LANCL1: variants seen among roughly 807,000 people sequenced by gnomAD.
LANCL1 encodes LanC like glutathione S-transferase 1, also known as glutathione S-transferase LANCL1.
A neutral mutation model predicts 50.6 loss-of-function variants in LANCL1; 50 were observed. That is an observed-to-expected ratio of 0.99 (90% CI 0.79 to 1.25). LANCL1 has a LOEUF of 1.25. Ranked by LOEUF, LANCL1 falls within the 50% of genes most tolerant of loss-of-function variation. The pLI, the probability that LANCL1 is intolerant of heterozygous loss-of-function variation, is 0.00. For synonymous variants in LANCL1, 188 were observed against 178.6 expected (o/e 1.05, Z -0.42); for missense variants, 532 against 480.7 (o/e 1.11, Z -1.00).
intron 4 of LANCL1, among the ~76,000 whole-genome samples, chr2:210,452,391 A>G (rs895766791): frequency 8.5e-5 from 13 of 152,158 alleles, no homozygotes; most frequent in African/African-American, 3.1e-4. Context: ...CAGGCAACAC[A>G]CTTTATTCAT....
chr2:210,439,466 G>T (rs1047364025), intron 6 of LANCL1, among the ~76,000 whole-genome samples: 3 of 152,096 alleles, frequency 2.0e-5, no homozygotes, highest in South Asian at 2.1e-4. Flanking sequence ...AACTAACCTT[G>T]AAACTTCAGA....
At chr2:210,469,636 C>T (rs1396975954) in intron 3 of LANCL1, among the ~76,000 whole-genome samples, 1 of 152,120 alleles carries the variant, frequency 6.6e-6, no homozygotes, top group African/African-American at 2.4e-5. Context: ...ATCATAGATA[C>T]TTGAGGATAA....
At chr2:210,448,096 T>C (rs553398170) in intron 4 of LANCL1, among the ~76,000 whole-genome samples, 2 of 152,184 alleles carry the variant, frequency 1.3e-5, no homozygotes, top group Non-Finnish European at 2.9e-5. Context: ...CTTGACCTCA[T>C]AATTGGAAGT....
Position 210,440,740 on chromosome 2 carries a change from CA to C in LANCL1, c.547del (p.Cys183ValfsTer5), listed in dbSNP as rs770467794. On this transcript the variant is annotated frameshift_variant, in exon 6 of 10. Transcript: ENST00000450366. LOFTEE classifies it high-confidence loss of function. The stretch of plus-strand genomic sequence containing the variant: ...TTCTCCAGAGGTTAAAATTGTTTCA[CA>C]AATCTACAGGGAGAAAACCAACCAA... ...KIPQSHIQQI[C>X]ETILTSGENL... 2 of 1,612,570 alleles carry C rather than the reference CA, an allele frequency of 1.2e-6. No individual in the cohort carries two copies. Among genetic ancestry groups the C allele is most frequent in the African/African-American group, 1.3e-5 (1 of 74,836 alleles).
In LANCL1 at chr2:210,433,213, C is replaced by G. The variant is rs576823157; in HGVS notation, c.*1274G>C. The G allele has an allele frequency of 1.2e-4, 18 of 152,656 alleles. No individual in the cohort carries two copies. In the South Asian group the frequency reaches 3.7e-3, roughly 32 times the overall value. 9.5% of individuals were successfully genotyped at this position (152,656 alleles called of 1,614,324 possible). Reference sequence around the variant, plus strand: ...AAGGCAGTAATAGAAAGAGTAGAAGCTGATGAGTCAAAACACTTGAACAGA... The same window carrying G: ...AAGGCAGTAATAGAAAGAGTAGAAGGTGATGAGTCAAAACACTTGAACAGA... On this transcript the variant is annotated 3_prime_UTR_variant, in exon 10 of 10. Coordinates refer to ENST00000450366, the MANE Select transcript of LANCL1 (RefSeq NM_006055.3).
chr2:210,475,581 C>T (rs768668243), intron 2 of LANCL1, among the ~76,000 whole-genome samples: 14 of 152,150 alleles, frequency 9.2e-5, no homozygotes, highest in Non-Finnish European at 4.4e-5. Context: ...AATCCTCCTG[C>T]CTTGATTTCC....
intron 3 of LANCL1, among the ~76,000 whole-genome samples, chr2:210,469,591 G>A (rs1044643163): frequency 6.6e-6 from 1 of 152,100 alleles, no homozygotes; most frequent in African/African-American, 2.4e-5. Context: ...TCAGATGCTT[G>A]CCATATAAGC....
At chr2:210,447,681 C>G (rs1693384840) in intron 4 of LANCL1, among the ~76,000 whole-genome samples, 1 of 150,404 alleles carries the variant, frequency 6.6e-6, no homozygotes. Flanking sequence ...AAATGGAAAG[C>G]AAAAAAAAGG....
chr2:210,439,074 G>C (rs978215930), intron 6 of LANCL1, among the ~76,000 whole-genome samples: 1 of 152,158 alleles, frequency 6.6e-6, no homozygotes, highest in African/African-American at 2.4e-5. Context: ...ACAAAGAATA[G>C]CATTTAAGCT....
At chr2:210,468,448 C>CAGCAAAGACTACTAGGTCTT (rs1259091601) in intron 3 of LANCL1, 2 of 152,132 alleles carry the variant, frequency 1.3e-5, no homozygotes, top group African/African-American at 2.4e-5. Context: ...ATAGAAGTTA[C>CAGCAAAGACTACTAGGTCTT]AGCAAAGACT....
intron 2 of LANCL1, among the ~76,000 whole-genome samples, chr2:210,473,206 T>C (rs1227785486): frequency 6.6e-6 from 1 of 152,156 alleles, no homozygotes; most frequent in Admixed American, 6.5e-5. Context: ...AGAAACCCCA[T>C]CTCTACTAAA....
rs2105890364 is a variant in LANCL1, at chr2:210,440,687, C to T, written c.601G>A (p.Ala201Thr). The stretch of plus-strand genomic sequence containing the variant: ...CATTCATACATCAGTGGAGACTTTG[C>T]CGTGAAGTTTCTCTTCCTAGCTAGG... ...ENLARKRNFT[A>T]KSPLMYEWYQ... The change falls in exon 6 of 10, where the codon GCA becomes ACA. Residue 201 changes from alanine to threonine, a missense_variant. Ala to Thr is a moderately conservative substitution (Grantham distance 58). Transcript: ENST00000450366. 6.2e-7 allele frequency: 1 copy of T among 1,614,004 alleles called. No individual in the cohort carries two copies. Among genetic ancestry groups the T allele is most frequent in the Non-Finnish European group, 8.5e-7 (1 of 1,179,922 alleles).
rs969583416 is a variant in LANCL1, at chr2:210,433,313, A to C, written c.*1174T>G. On this transcript the variant is annotated 3_prime_UTR_variant, in exon 10 of 10. Coordinates refer to ENST00000450366, the MANE Select transcript of LANCL1 (RefSeq NM_006055.3). ...GGTCTCAGAAACTGATGAATTGTTA[A>C]GTCTAGGATACGCAAAGATGCATTT... The C allele has an allele frequency of 2.6e-5, 4 of 152,240 alleles. No individual in the cohort carries two copies. Among genetic ancestry groups the C allele is most frequent in the East Asian group, 1.9e-4 (1 of 5,196 alleles). 9.4% of individuals were successfully genotyped at this position (152,240 alleles called of 1,614,324 possible).
intron 7 of LANCL1, among the ~76,000 whole-genome samples, chr2:210,437,259 G>A (rs1692964814): frequency 6.6e-6 from 1 of 152,116 alleles, no homozygotes; most frequent in South Asian, 2.1e-4. Context: ...GTATCAGAAA[G>A]TCATTCTTTT....
chr2:210,432,421 G>C lies in LANCL1; in HGVS notation c.*2066C>G, dbSNP rs765851983. ...AAAATCAGACCTTGGCAATGACTTT[G>C]AGCAGTAGGATGTAAATGACTCCCA... On this transcript the variant is annotated 3_prime_UTR_variant, in exon 10 of 10. Transcript: ENST00000450366. 1 of 152,136 alleles carries C rather than the reference G, an allele frequency of 6.6e-6. No homozygotes were observed. Among genetic ancestry groups the C allele is most frequent in the Non-Finnish European group, 1.5e-5 (1 of 68,024 alleles). 9.4% of individuals were successfully genotyped at this position (152,136 alleles called of 1,614,324 possible).
chr2:210,464,984 A>ACAACAACAAC (rs77323510), intron 3 of LANCL1, among the ~76,000 whole-genome samples: 5,967 of 113,272 alleles, frequency 0.053, 203 homozygotes, highest in Non-Finnish European at 0.065. Flanking sequence ...AAAAAAAAAA[A>ACAACAACAAC]AAAAAAACTT....
chr2:210,445,434 A>G (rs1460317982), intron 4 of LANCL1, among the ~76,000 whole-genome samples: 1 of 152,200 alleles, frequency 6.6e-6, no homozygotes, highest in Non-Finnish European at 1.5e-5. Flanking sequence ...TATTGCTCAG[A>G]GCATCTTATT....
chr2:210,457,017 A>G (rs371812697), intron 3 of LANCL1, among the ~76,000 whole-genome samples: 1 of 152,316 alleles, frequency 6.6e-6, no homozygotes, highest in Non-Finnish European at 1.5e-5. Context: ...TGATAGGCAG[A>G]GAATTATCTT....
At chr2:210,464,639 C>G (rs184659163) in intron 3 of LANCL1, among the ~76,000 whole-genome samples, 1 of 152,188 alleles carries the variant, frequency 6.6e-6, no homozygotes, top group Non-Finnish European at 1.5e-5. Context: ...AAAATATACA[C>G]AAATCTATTA....
Sources: allele counts gnomAD v4.1 joint callset (sites outside exome capture counted in the v4.1 genomes callset), GRCh38; gene constraint gnomAD v4.1.1; transcripts MANE v1.5; gene names NCBI Gene and HGNC (gene_info 2026-07-23, HGNC 2026-07-21).